The following UPRT variants were observed in gnomAD, a reference collection of about 807,000 sequenced individuals.
UPRT encodes the protein uracil phosphoribosyltransferase homolog, also known as RP11-311P8.3.
UPRT carries 5 observed loss-of-function variants against 22.6 expected under a neutral mutation model. The observed-to-expected ratio is 0.22, with a 90% CI of 0.12 to 0.47. The LOEUF (loss-of-function observed/expected upper bound fraction) is 0.47, where lower values mean the gene tolerates loss of function less well. Among genes scored for constraint, UPRT ranks in the 20% least tolerant of loss-of-function variants. The probability of loss-of-function intolerance (pLI) is 0.99; values close to 1 mark genes in which losing one functional copy is unlikely to be tolerated. For missense variants in UPRT, 181 were observed against 239.9 expected (o/e 0.75, Z 1.62); for synonymous variants, 77 against 87.7 (o/e 0.88, Z 0.68).
At chrX:75,236,891 A>G (rs1480354383) in intron 4 of UPRT, among the ~76,000 whole-genome samples, 8 of 112,523 alleles carry the variant, frequency 7.1e-5, no homozygotes, top group Admixed American at 9.4e-5. Flanking sequence ...AGGCATGGCA[A>G]GGACTTCATG....
rs201044131 is a variant in UPRT at position 75,183,415 on chromosome X, T to C, written c.-447+15536T>C. Among the ~76,000 whole-genome samples, 12 of 111,999 alleles carry C rather than the reference T, an allele frequency of 1.1e-4. No homozygotes were observed. In the East Asian group the frequency reaches 2.8e-3, roughly 26 times the overall value. On this transcript the variant is annotated intron_variant, in intron 4 of 13. Coordinates refer to the UPRT transcript ENST00000652605. ...TATGTGTCACATTTTCTTAATCCAGTCTATCATTATTGGACATATGGGTTG... is the reference window on the plus strand; with the variant it reads ...TATGTGTCACATTTTCTTAATCCAGCCTATCATTATTGGACATATGGGTTG...
intron 4 of UPRT, among the ~76,000 whole-genome samples, chrX:75,222,386 G>A (rs2082412670): frequency 9.0e-6 from 1 of 111,576 alleles, no homozygotes; most frequent in Non-Finnish European, 1.9e-5. Context: ...CAATCAGCAG[G>A]TGACAAAGCC....
At chrX:75,186,581 G>T (rs374211329) in intron 4 of UPRT, among the ~76,000 whole-genome samples, 1 of 110,382 alleles carries the variant, frequency 9.1e-6, no homozygotes, top group Non-Finnish European at 1.9e-5. Flanking sequence ...TATCCTTGTT[G>T]ACTTTCTGTC....
At chrX:75,218,553 A>G (rs2082400398) in intron 4 of UPRT, among the ~76,000 whole-genome samples, 1 of 97,451 alleles carries the variant, frequency 1.0e-5, no homozygotes, top group Admixed American at 1.1e-4. Context: ...TACCCAAAGG[A>G]CTATAAATCA....
At chrX:75,183,750 G>A (rs1164702661) in intron 4 of UPRT, among the ~76,000 whole-genome samples, 1 of 112,175 alleles carries the variant, frequency 8.9e-6, no homozygotes, top group African/African-American at 3.2e-5. Flanking sequence ...TTGTGGTTTT[G>A]ATTTGCATTT....
chrX:75,251,692 C>T (rs1158440340), intron 4 of UPRT, among the ~76,000 whole-genome samples: 1 of 111,588 alleles, frequency 9.0e-6, no homozygotes, highest in Admixed American at 9.5e-5. Context: ...TGACTTTCTT[C>T]ACAGAATTGG....
intron 4 of UPRT, among the ~76,000 whole-genome samples, chrX:75,298,552 TG>T (rs2082734157): frequency 8.9e-6 from 1 of 112,097 alleles, no homozygotes; most frequent in African/African-American, 3.2e-5. Context: ...TTTGCATAAG[TG>T]GTAGAAGCTC....
At chrX:75,195,776 T>G (rs1036982624) in intron 4 of UPRT, among the ~76,000 whole-genome samples, 16 of 112,002 alleles carry the variant, frequency 1.4e-4, no homozygotes, top group Admixed American at 2.8e-4. Flanking sequence ...CTCCACCCAC[T>G]TTCAGTGTCT....
chrX:75,250,099 C>G (rs1357440547), intron 4 of UPRT, among the ~76,000 whole-genome samples: 1 of 111,598 alleles, frequency 9.0e-6, no homozygotes, highest in Non-Finnish European at 1.9e-5. Context: ...ATGCTCACAA[C>G]AGAAAGCAGG....
At chrX:75,165,931 A>T (rs1166252447) in intron 3 of UPRT, among the ~76,000 whole-genome samples, 1 of 111,592 alleles carries the variant, frequency 9.0e-6, no homozygotes, top group Non-Finnish European at 1.9e-5. Flanking sequence ...AAAAATGATG[A>T]AGAATTCACA....
rs978679118 is a variant in UPRT at position 75,304,221 on chromosome X, G to A, written c.*710G>A. The A allele has an allele frequency of 9.0e-6, 1 of 111,481 alleles. No homozygotes were observed. The highest frequency in any genetic ancestry group is 3.3e-5 in the African/African-American group (1 of 30,703). The allele number at this position is 111,481 out of a possible 1,213,427, so 9.2% of individuals were successfully genotyped here. On this transcript the variant is annotated 3_prime_UTR_variant, in exon 7 of 7. Coordinates refer to ENST00000373383, the MANE Select transcript of UPRT (RefSeq NM_145052.4). ...ATTGAACCGGGGATGTCTGGATGCTGACAAGGGAGAGCCAAGTACTGTTAA... is the reference window on the plus strand; with the variant it reads ...ATTGAACCGGGGATGTCTGGATGCTAACAAGGGAGAGCCAAGTACTGTTAA...
Position 75,158,787 on chromosome X carries a change from C to T in UPRT, c.-736-1763C>T, listed in dbSNP as rs191270936. 8.1e-5 allele frequency among the ~76,000 whole-genome samples: 9 copies of T among 111,418 alleles called. No individual in the cohort carries two copies. The East Asian group carries it at 2.5e-3, about 32-fold the overall frequency. ...TTTTAAATGACTTTTTCTTATCTTT[C>T]AGGTCTCAAAACAAATGTCACCTGC... On this transcript the variant is annotated intron_variant, in intron 1 of 13. Transcript: ENST00000652605.
intron 4 of UPRT, among the ~76,000 whole-genome samples, chrX:75,263,957 G>C (rs2082577730): frequency 9.1e-6 from 1 of 110,010 alleles, no homozygotes; most frequent in African/African-American, 3.3e-5. Flanking sequence ...CTTTATTTCT[G>C]CCTTCATTTC....
At chrX:75,249,530 C>A (rs911796036) in intron 4 of UPRT, among the ~76,000 whole-genome samples, 4 of 111,572 alleles carry the variant, frequency 3.6e-5, no homozygotes, top group Non-Finnish European at 7.5e-5. Context: ...TATATATGCA[C>A]CCAATACAGG....
At chrX:75,278,459 A>C (rs1296048929) in intron 1 of UPRT, among the ~76,000 whole-genome samples, 1 of 111,733 alleles carries the variant, frequency 8.9e-6, no homozygotes, top group African/African-American at 3.3e-5. Context: ...GGGATAAGAA[A>C]AAATTTCTTC....
At chrX:75,294,507 A>T in intron 2 of UPRT, 1 of 890,766 alleles carries the variant, frequency 1.1e-6, no homozygotes, top group South Asian at 2.3e-5. Context: ...TTATAATCAG[A>T]TTAAGGTAGA....
chrX:75,229,037 C>T (rs756042335), intron 4 of UPRT, among the ~76,000 whole-genome samples: 4 of 111,791 alleles, frequency 3.6e-5, no homozygotes, highest in Admixed American at 9.5e-5. Context: ...TTGGTAAAAG[C>T]GTGCAAACTT....
intron 2 of UPRT, 86 bp downstream of exon 2, chrX:75,293,600 A>G: frequency 1.0e-6 from 1 of 969,998 alleles, no homozygotes; most frequent in Non-Finnish European, 1.4e-6. Flanking sequence ...GTTCTAGAGC[A>G]TTCTGGGGCT....
At chrX:75,300,606 T>A (rs750353213) in intron 5 of UPRT, among the ~76,000 whole-genome samples, 1 of 110,583 alleles carries the variant, frequency 9.0e-6, no homozygotes, top group African/African-American at 3.3e-5. Flanking sequence ...GGGCAACATA[T>A]GGAGAACCCA....
Sources: allele counts gnomAD v4.1 joint callset (sites outside exome capture counted in the v4.1 genomes callset), GRCh38; gene constraint gnomAD v4.1.1; transcripts MANE v1.5; gene names NCBI Gene and HGNC (gene_info 2026-07-23, HGNC 2026-07-21).